MPHOSPH10: variants seen among roughly 807,000 people sequenced by gnomAD.
MPHOSPH10 encodes the protein M-phase phosphoprotein 10.
MPHOSPH10 carries 33 observed loss-of-function variants against 77.3 expected under a neutral mutation model. The ratio of observed to expected loss-of-function variants is 0.43; its 90% CI spans 0.32 to 0.57. The LOEUF is 0.57. MPHOSPH10 is among the 20% of genes least tolerant of loss of function. MPHOSPH10 has a pLI of 0.07. For synonymous variants in MPHOSPH10, 245 were observed against 268.0 expected (o/e 0.91, Z 0.84); for missense variants, 708 against 780.1 (o/e 0.91, Z 1.10).
intron 9 of MPHOSPH10, chr2:71,149,015 G>A: frequency 1.7e-6 from 1 of 599,994 alleles, no homozygotes; most frequent in Non-Finnish European, 3.0e-6. Context: ...CACTATAAGA[G>A]TCTGTGCCTG....
intron 1 of MPHOSPH10, 148 bp downstream of exon 1, chr2:71,130,902 G>C (rs921527084): frequency 8.3e-6 from 6 of 724,040 alleles, no homozygotes; most frequent in Admixed American, 3.1e-5. Context: ...GCTTTCCTAG[G>C]CTATCAAAAT....
intron 10 of MPHOSPH10, 21 bp from the exon 11 acceptor site, chr2:71,149,845 A>C: frequency 6.6e-7 from 1 of 1,522,326 alleles, no homozygotes; most frequent in African/African-American, 1.4e-5. Flanking sequence ...CAGCATAAGC[A>C]TGTGGTGTTT....
chr2:71,138,834 A>G (rs935180293), intron 5 of MPHOSPH10: 1 of 711,124 alleles, frequency 1.4e-6, no homozygotes, highest in Non-Finnish European at 2.5e-6. Context: ...CAGGAGTTTG[A>G]GACCAGCCTG....
intron 10 of MPHOSPH10, 106 bp downstream of exon 10, chr2:71,149,559 G>A: frequency 1.9e-6 from 2 of 1,029,408 alleles, no homozygotes; most frequent in Non-Finnish European, 2.9e-6. Flanking sequence ...CCCACCTGCG[G>A]GATAGAGATG....
Position 71,147,984 on chromosome 2 carries a change from T to C in MPHOSPH10, c.1558-15T>C. The C allele has an allele frequency of 6.2e-7, 1 of 1,603,182 alleles. No individual in the cohort carries two copies. The highest frequency in any genetic ancestry group is 8.5e-7 in the Non-Finnish European group (1 of 1,170,022). On this transcript the variant is annotated splice_polypyrimidine_tract_variant and intron_variant, in intron 8 of 10. Coordinates refer to ENST00000244230, the MANE Select transcript of MPHOSPH10 (RefSeq NM_005791.3). ...CCCTTCTGGCTTCCCATTGAATGTA[T>C]TATCTCTTTTCTAGCCTGTACCAGA...
chr2:71,132,637 A>C (rs1673410216), intron 1 of MPHOSPH10, among the ~76,000 whole-genome samples: 1 of 152,212 alleles, frequency 6.6e-6, no homozygotes, highest in Admixed American at 6.5e-5. Context: ...ATTTAAGGTT[A>C]ATTCACTATA....
intron 8 of MPHOSPH10, 95 bp downstream of exon 8, chr2:71,144,633 A>T: frequency 1.1e-6 from 1 of 948,144 alleles, no homozygotes; most frequent in Non-Finnish European, 1.6e-6. Flanking sequence ...GTTTCAGGAT[A>T]CAAACTTGTA....
In MPHOSPH10 at chr2:71,134,108, G is replaced by T. The variant is rs186709475; in HGVS notation, c.926+3G>T. 4 of 1,604,104 alleles carry T rather than the reference G, an allele frequency of 2.5e-6. No homozygotes were observed. Among genetic ancestry groups the T allele is most frequent in the South Asian group, 1.1e-5 (1 of 88,830 alleles). Reference sequence around the variant, plus strand: ...GAAGAACTAAGTATTTCGGAAACGTGAGTATTTTGAACCATCCTTTACATT... The same window carrying T: ...GAAGAACTAAGTATTTCGGAAACGTTAGTATTTTGAACCATCCTTTACATT... On this transcript the variant is annotated splice_donor_region_variant and intron_variant, in intron 3 of 10. Transcript: ENST00000244230.
intron 7 of MPHOSPH10, among the ~76,000 whole-genome samples, chr2:71,141,804 C>T (rs1264181258): frequency 1.3e-5 from 2 of 151,922 alleles, no homozygotes; most frequent in African/African-American, 2.4e-5. Flanking sequence ...CTGAGGCGGG[C>T]GGATTGCTTG....
At chr2:71,149,542 C>A in intron 10 of MPHOSPH10, 89 bp downstream of exon 10, 1 of 1,214,038 alleles carries the variant, frequency 8.2e-7, no homozygotes, top group Non-Finnish European at 1.2e-6. Flanking sequence ...TCTGAGCCAG[C>A]TGACAGCCCA....
intron 2 of MPHOSPH10, 100 bp downstream of exon 2, chr2:71,133,676 A>G (rs948114679): frequency 1.6e-6 from 2 of 1,262,070 alleles, no homozygotes; most frequent in Admixed American, 4.9e-5. Flanking sequence ...TTTAGTGATA[A>G]GAAATATTGT....
In MPHOSPH10 at chr2:71,139,808, A is replaced by G. The variant is rs142446927; in HGVS notation, c.1254A>G (p.Thr418=). The change falls in exon 6 of 11, where the codon ACA becomes ACG. Residue 418 remains threonine (T), a synonymous_variant. Coordinates refer to ENST00000244230, the MANE Select transcript of MPHOSPH10 (RefSeq NM_005791.3). ...DHAVRMAPVI[T]EETTLQLEDI... ...TATATCCTTTAGCACCTGTGATTACAGAGGAAACCACCCTTCAACTGGAAG... is the reference window on the plus strand; with the variant it reads ...TATATCCTTTAGCACCTGTGATTACGGAGGAAACCACCCTTCAACTGGAAG... The G allele has an allele frequency of 1.2e-6, 2 of 1,609,424 alleles. No individual in the cohort carries two copies. The highest frequency in any genetic ancestry group is 1.7e-6 in the Non-Finnish European group (2 of 1,177,184).
At position 71,134,118 on chromosome 2, in the gene MPHOSPH10, A is replaced by G. The variant is rs376360840; in HGVS notation, c.926+13A>G. 7.2e-5 allele frequency: 116 copies of G among 1,602,168 alleles called. No homozygotes were observed. Among genetic ancestry groups the G allele is most frequent in the Non-Finnish European group, 9.5e-5 (112 of 1,175,214 alleles). ...GTATTTCGGAAACGTGAGTATTTTG[A>G]ACCATCCTTTACATTGTAAGCTGGA... On this transcript the variant is annotated intron_variant, in intron 3 of 10. Transcript: ENST00000244230.
intron 1 of MPHOSPH10, among the ~76,000 whole-genome samples, chr2:71,131,388 A>G (rs560384934): frequency 4.6e-5 from 7 of 152,296 alleles, no homozygotes; most frequent in Non-Finnish European, 4.4e-5. Context: ...GGTACTGTCA[A>G]GCATCTCAAA....
In MPHOSPH10 at chr2:71,133,223, T is replaced by G; in HGVS notation, c.415T>G (p.Ser139Ala). 6.2e-7 allele frequency: 1 copy of G among 1,614,102 alleles called. No homozygotes were observed. The highest frequency in any genetic ancestry group is 8.5e-7 in the Non-Finnish European group (1 of 1,180,012). ...AGAAGATTTAGAGGAGGAGGAAGTG[T>G]CCGACATGGGTAATGATGATCCTGA... Reference protein sequence around the residue: ...DLEDLEEEEVSDMGNDDPEMG... With the variant: ...DLEDLEEEEVADMGNDDPEMG... The change falls in exon 2 of 11, where the codon TCC (serine) becomes GCC (alanine). Residue 139 changes from serine to alanine, a missense_variant. This residue lies in a region of MPHOSPH10 where 433 missense variants were observed against 432.6 expected (regional missense o/e 1.00). Transcript: ENST00000244230.
chr2:71,147,335 G>T (rs1673735232), intron 8 of MPHOSPH10, among the ~76,000 whole-genome samples: 1 of 152,162 alleles, frequency 6.6e-6, no homozygotes, highest in Admixed American at 6.5e-5. Context: ...AGTTGAGGAA[G>T]AGATGGAAGA....
In MPHOSPH10 at chr2:71,138,585, C is replaced by T. The variant is rs1268148294; in HGVS notation, c.1194C>T (p.Asn398=). The change falls in exon 5 of 11, where the codon AAC becomes AAT. Residue 398 remains asparagine, a synonymous_variant. Coordinates refer to ENST00000244230, the MANE Select transcript of MPHOSPH10 (RefSeq NM_005791.3). ...GEVTAQKRPE[N]SLLEETLHFD... ...TGACAGCACAGAAGAGGCCAGAGAA[C>T]AGCCTCCTGGAGGAGACCCTACACT... 2.5e-6 allele frequency: 4 copies of T among 1,614,040 alleles called. No homozygotes were observed. The highest frequency in any genetic ancestry group is 3.4e-6 in the Non-Finnish European group (4 of 1,180,034).
chr2:71,147,566 G>A (rs373143049), intron 8 of MPHOSPH10, among the ~76,000 whole-genome samples: 4 of 152,126 alleles, frequency 2.6e-5, no homozygotes, highest in Non-Finnish European at 4.4e-5. Context: ...CCAGCTACTC[G>A]GGAGGCTGAG....
chr2:71,142,591 T>TA (rs1673632965), intron 7 of MPHOSPH10, among the ~76,000 whole-genome samples: 1 of 152,246 alleles, frequency 6.6e-6, no homozygotes, highest in South Asian at 2.1e-4. Flanking sequence ...TAGGACCCTT[T>TA]ACTCACATTT....
Sources: allele counts gnomAD v4.1 joint callset (sites outside exome capture counted in the v4.1 genomes callset), GRCh38; gene constraint gnomAD v4.1.1; regional missense constraint gnomAD v4.1.1; transcripts MANE v1.5; gene names NCBI Gene and HGNC (gene_info 2026-07-23, HGNC 2026-07-21).